Variants in NSFL1C observed in about 807,000 individuals in gnomAD.
NSFL1C encodes the protein NSFL1 cofactor p47.
NSFL1C carries 14 observed loss-of-function variants against 43.1 expected under a neutral mutation model. That is an observed-to-expected ratio of 0.32 (90% CI 0.21 to 0.51). The LOEUF (loss-of-function observed/expected upper bound fraction) is 0.51, where lower values mean the gene tolerates loss of function less well. NSFL1C is among the 20% of genes least tolerant of loss of function. NSFL1C has a pLI of 0.98. For missense variants in NSFL1C, 406 were observed against 472.5 expected (o/e 0.86, Z 1.30); for synonymous variants, 171 against 183.5 (o/e 0.93, Z 0.55).
intron 2 of NSFL1C, among the ~76,000 whole-genome samples, chr20:1,460,578 G>C (rs1170872493): frequency 6.6e-6 from 1 of 152,082 alleles, no homozygotes; most frequent in African/African-American, 2.4e-5. Flanking sequence ...GGCTACTCTG[G>C]CATACTGAAG....
In NSFL1C at chr20:1,466,771, G is replaced by A. The variant is rs1342601613; in HGVS notation, c.54C>T (p.Ala18=). The change falls in exon 1 of 9, where the codon GCC becomes GCT. Residue 18 remains alanine (A), a synonymous_variant. Transcript: ENST00000216879. ...GAAAGAAGCGGGCCCGGTCCTCCTC[G>A]GCGCCCGTCACCGCCACGAACTCCC... ...ALREFVAVTG[A]EEDRARFFLE... is the part of the protein sequence containing the mutation. The A allele has an allele frequency of 1.9e-6, 3 of 1,561,564 alleles. No homozygotes were observed. Among genetic ancestry groups the A allele is most frequent in the African/African-American group, 1.4e-5 (1 of 71,976 alleles).
chr20:1,443,894 A>T lies in NSFL1C; in HGVS notation c.968T>A (p.Leu323His), dbSNP rs373357248. 266 of 1,612,284 alleles carry T rather than the reference A, an allele frequency of 1.6e-4. No homozygotes were observed. Among genetic ancestry groups the T allele is most frequent in the Non-Finnish European group, 1.9e-4 (223 of 1,179,792 alleles). The change falls in exon 9 of 9, where the codon CTC becomes CAC. Residue 323 changes from leucine (L) to histidine (H), a missense_variant. Physicochemically the swap from Leu to His is moderately conservative, Grantham distance 99 (BLOSUM62 -3). Coordinates refer to ENST00000216879, the MANE Select transcript of NSFL1C (RefSeq NM_016143.5). ...GGCTGGCCGGGCATCCACGATGAAG[A>T]GTCGGATGTCGCTGATCCTGCAGGA... ...NHSHRISDIRLFIVDARPAMA... is the reference protein window; with the variant it reads ...NHSHRISDIRHFIVDARPAMA...
intron 8 of NSFL1C, 27 bp downstream of exon 8, chr20:1,445,639 T>C: frequency 1.2e-6 from 2 of 1,610,638 alleles, no homozygotes; most frequent in Non-Finnish European, 1.7e-6. Flanking sequence ...ACTCCTAGAA[T>C]AAGCTAGGCC....
chr20:1,457,930 A>G (rs1293507104), intron 3 of NSFL1C: 1 of 368,446 alleles, frequency 2.7e-6, no homozygotes, highest in Non-Finnish European at 5.0e-6. Context: ...AAATCTTTTT[A>G]GTCAATACCA....
At chr20:1,465,900 G>A (rs919463100) in intron 1 of NSFL1C, among the ~76,000 whole-genome samples, 4 of 152,162 alleles carry the variant, frequency 2.6e-5, no homozygotes, top group African/African-American at 7.2e-5. Flanking sequence ...AAATGCGAAG[G>A]TTAAATGACA....
In NSFL1C at chr20:1,455,283, A is replaced by C. The variant is rs1469077640; in HGVS notation, c.279-151T>G. The C allele has an allele frequency of 5.7e-6, 5 of 881,602 alleles. No individual in the cohort carries two copies. The East Asian group carries it at 9.7e-5, about 17-fold the overall frequency. The allele number at this position is 881,602 out of a possible 1,614,324, so 54.6% of individuals were successfully genotyped here. A position where few individuals can be genotyped will look rare whatever the true frequency, so the allele number is the denominator to read the frequency against. ...AGTTGGGAACACATGGAAGGAGGCA[A>C]GCAGGTAAAATGCAGTGTGAGCAGC... On this transcript the variant is annotated intron_variant, in intron 3 of 8. Transcript: ENST00000216879.
chr20:1,454,437 T>C, intron 4 of NSFL1C, 132 bp from the exon 5 acceptor site: 1 of 641,488 alleles, frequency 1.6e-6, no homozygotes, highest in Non-Finnish European at 2.7e-6. Context: ...TGTTAGCTAC[T>C]AGATGCACTT....
At chr20:1,454,906 G>C (rs1375303903) in intron 4 of NSFL1C, 61 bp downstream of exon 4, 1 of 1,545,666 alleles carries the variant, frequency 6.5e-7, no homozygotes, top group East Asian at 2.3e-5. Flanking sequence ...GGTGAAGAAG[G>C]TGGCATTCCC....
At chr20:1,452,689 G>A (rs1469220253) in intron 6 of NSFL1C, 59 bp from the exon 7 acceptor site, 2 of 1,599,922 alleles carry the variant, frequency 1.3e-6, no homozygotes, top group Non-Finnish European at 1.7e-6. Flanking sequence ...GACAGTGATG[G>A]GAAAAGGGGA....
chr20:1,462,058 C>T (rs989266519), intron 2 of NSFL1C, among the ~76,000 whole-genome samples: 3 of 152,174 alleles, frequency 2.0e-5, no homozygotes, highest in South Asian at 2.1e-4. Flanking sequence ...GACCTTCTCA[C>T]GCTCATTTCA....
At chr20:1,462,862 A>T (rs1224514288) in intron 2 of NSFL1C, among the ~76,000 whole-genome samples, 1 of 152,120 alleles carries the variant, frequency 6.6e-6, no homozygotes, top group African/African-American at 2.4e-5. Flanking sequence ...CTTGTTGGGG[A>T]ATAGAGTAAA....
At chr20:1,458,302 T>A (rs750660061) in intron 2 of NSFL1C, 28 bp from the exon 3 acceptor site, 27 of 1,586,424 alleles carry the variant, frequency 1.7e-5, no homozygotes, top group Admixed American at 1.5e-4. Flanking sequence ...AGCAAAATGA[T>A]CTCAGGGAGC....
At chr20:1,464,713 C>T (rs902035216) in intron 1 of NSFL1C, among the ~76,000 whole-genome samples, 8 of 152,178 alleles carry the variant, frequency 5.3e-5, no homozygotes, top group Admixed American at 2.0e-4. Flanking sequence ...AAGTAGCACA[C>T]ATTTAGTGAG....
intron 7 of NSFL1C, among the ~76,000 whole-genome samples, chr20:1,452,198 T>C (rs2090195163): frequency 6.6e-6 from 1 of 152,218 alleles, no homozygotes. Flanking sequence ...TCAGCTCACT[T>C]ATTCCTTGCA....
At chr20:1,461,387 T>C (rs1387878223) in intron 2 of NSFL1C, among the ~76,000 whole-genome samples, 1 of 152,024 alleles carries the variant, frequency 6.6e-6, no homozygotes, top group Admixed American at 6.6e-5. Flanking sequence ...AGAGTGGGGA[T>C]GGAGGTAAAC....
rs965205960 is a variant in NSFL1C, at chr20:1,443,471, G to A, written c.*278C>T. 6.6e-6 allele frequency: 2 copies of A among 302,650 alleles called. No individual in the cohort carries two copies. The highest frequency in any genetic ancestry group is 5.8e-5 in the East Asian group (1 of 17,110). 18.7% of individuals were successfully genotyped at this position (302,650 alleles called of 1,614,324 possible). A position where few individuals can be genotyped will look rare whatever the true frequency, so the allele number is the denominator to read the frequency against. Reference sequence around the variant, plus strand: ...TAAAGCAATTAAAGCCTGCTTCAGTGGGAGAGTTTCCGTACAACATGCTGG... The same window carrying A: ...TAAAGCAATTAAAGCCTGCTTCAGTAGGAGAGTTTCCGTACAACATGCTGG... On this transcript the variant is annotated 3_prime_UTR_variant, in exon 9 of 9. Transcript: ENST00000216879.
At chr20:1,461,191 A>G (rs1308718316) in intron 2 of NSFL1C, among the ~76,000 whole-genome samples, 2 of 152,188 alleles carry the variant, frequency 1.3e-5, no homozygotes, top group Admixed American at 1.3e-4. Context: ...GGAATTTACA[A>G]TTTACTTGGG....
chr20:1,446,543 T>A (rs1225914145), intron 7 of NSFL1C, among the ~76,000 whole-genome samples: 1 of 152,226 alleles, frequency 6.6e-6, no homozygotes, highest in Admixed American at 6.5e-5. Flanking sequence ...GGGTTTGAAT[T>A]ACTCAAGCAC....
chr20:1,460,499 C>T (rs1258967958), intron 2 of NSFL1C, among the ~76,000 whole-genome samples: 2 of 152,114 alleles, frequency 1.3e-5, no homozygotes, highest in African/African-American at 4.8e-5. Flanking sequence ...ATACTTTTGT[C>T]CTATGGTCTC....
Sources: gnomAD v4.1 joint callset for allele counts (sites outside exome capture counted in the v4.1 genomes callset) on GRCh38, gnomAD v4.1.1 for gene constraint, MANE v1.5 for transcripts, NCBI Gene and HGNC (gene_info 2026-07-23, HGNC 2026-07-21) for gene names.